Variants in MMD2 observed in about 807,000 individuals in gnomAD.
MMD2 encodes monocyte to macrophage differentiation factor 2.
In MMD2, 30 loss-of-function variants were observed where a neutral mutation model predicts 33.5. That is an observed-to-expected ratio of 0.90 (90% CI 0.67 to 1.22). The LOEUF (loss-of-function observed/expected upper bound fraction) is 1.22. Among genes scored for constraint, MMD2 ranks in the 50% most tolerant of loss-of-function variants. MMD2 has a pLI of 0.00. For synonymous variants in MMD2, 129 were observed against 123.0 expected, an observed-to-expected ratio of 1.05 and a Z score of -0.32; for missense variants, 364 against 325.4, an observed-to-expected ratio of 1.12 and a Z score of -0.91.
At chr7:4,923,717 A>G (rs4724190) in intron 2 of MMD2, among the ~76,000 whole-genome samples, 101,597 of 152,024 alleles carry the variant, frequency 0.67, 35,118 homozygotes, top group African/African-American at 0.86. Context: ...AAAAGAGGGA[A>G]TCATGTGTTC....
chr7:4,959,044 C>T lies in MMD2; in HGVS notation c.-27G>A. On this transcript the variant is annotated 5_prime_UTR_variant, in exon 1 of 7. Coordinates refer to ENST00000401401, the MANE Select transcript of MMD2 (RefSeq NM_198403.4). ...GCGGCGCTTCCATGGGAATCTGGCCCCGGGCTCAGAGCGCGGGTAGCTGGC... is the reference window on the plus strand; with the variant it reads ...GCGGCGCTTCCATGGGAATCTGGCCTCGGGCTCAGAGCGCGGGTAGCTGGC... 8.0e-7 allele frequency: 1 copy of T among 1,254,286 alleles called. No individual in the cohort carries two copies. The highest frequency in any genetic ancestry group is 1.0e-6 in the Non-Finnish European group (1 of 991,204). 77.7% of individuals were successfully genotyped at this position (1,254,286 alleles called of 1,614,324 possible).
At chr7:4,931,270 C>A (rs899834643) in intron 1 of MMD2, among the ~76,000 whole-genome samples, 1 of 151,582 alleles carries the variant, frequency 6.6e-6, no homozygotes, top group African/African-American at 2.4e-5. Context: ...CTCAGCCTCC[C>A]GAGTAGCTGG....
chr7:4,938,744 A>T (rs75975129), intron 1 of MMD2, among the ~76,000 whole-genome samples: 1 of 152,226 alleles, frequency 6.6e-6, no homozygotes, highest in Non-Finnish European at 1.5e-5. Flanking sequence ...GGAGACAGGC[A>T]TGAGAAATGT....
intron 4 of MMD2, 37 bp from the exon 5 acceptor site, chr7:4,911,283 G>T: frequency 6.6e-7 from 1 of 1,520,716 alleles, no homozygotes; most frequent in Non-Finnish European, 8.9e-7. Context: ...GCCCTGAGGG[G>T]GGCCCACCAG....
rs1399157011 is a variant in MMD2 at position 4,946,028 on chromosome 7, C to G, written c.47+12943G>C. Among the ~76,000 whole-genome samples the G allele has an allele frequency of 6.6e-6, 1 of 152,208 alleles. No homozygotes were observed. The highest frequency in any genetic ancestry group is 1.5e-5 in the Non-Finnish European group (1 of 68,038). Reference sequence around the variant, plus strand: ...CGCAGCTGCCTGCTCAGAGAAGATTCCTCTGGAGACGTACACCTCTCTGGG... The same window carrying G: ...CGCAGCTGCCTGCTCAGAGAAGATTGCTCTGGAGACGTACACCTCTCTGGG... On this transcript the variant is annotated intron_variant, in intron 1 of 6. Coordinates refer to ENST00000401401, the MANE Select transcript of MMD2 (RefSeq NM_198403.4). This position sits in a 1 kb window ranked among gnomAD's most constrained non-coding sequence, Gnocchi z 5.0.
chr7:4,912,634 G>C (rs147068402), intron 4 of MMD2, among the ~76,000 whole-genome samples: 29 of 152,012 alleles, frequency 1.9e-4, no homozygotes, highest in African/African-American at 7.0e-4. Flanking sequence ...GTTTTGTCTG[G>C]AAAGGTGTAG....
chr7:4,927,552 T>C (rs1674151065), intron 1 of MMD2, among the ~76,000 whole-genome samples: 1 of 150,882 alleles, frequency 6.6e-6, no homozygotes, highest in Non-Finnish European at 1.5e-5. Flanking sequence ...AAAATATATA[T>C]ATATATTAGC....
chr7:4,910,063 A>G (rs770191217), intron 5 of MMD2, 113 bp from the exon 6 acceptor site: 39 of 1,609,048 alleles, frequency 2.4e-5, no homozygotes, highest in Non-Finnish European at 3.1e-5. Context: ...CAGTGAGAAG[A>G]AAGGACGCTT....
Position 4,907,250 on chromosome 7 carries a change from C to T in MMD2, c.*146G>A. On this transcript the variant is annotated 3_prime_UTR_variant, in exon 7 of 7. Coordinates refer to ENST00000401401, the MANE Select transcript of MMD2 (RefSeq NM_198403.4). ...TCTCGCTGGGGACTCGAGGGATGAT[C>T]TGGCTGTCACCAGAAGTCACCTTGG... is the stretch of plus-strand genomic sequence containing the variant. 1 of 720,694 alleles carries T rather than the reference C, an allele frequency of 1.4e-6. No individual in the cohort carries two copies. The highest frequency in any genetic ancestry group is 2.4e-6 in the Non-Finnish European group (1 of 422,374). The allele number at this position is 720,694 out of a possible 1,614,324, so 44.6% of individuals were successfully genotyped here.
the MMD2 span, among the ~76,000 whole-genome samples, chr7:4,897,349 T>C: frequency 1.3e-5 from 2 of 151,786 alleles, no homozygotes; most frequent in East Asian, 1.9e-4. Flanking sequence ...CTTCTTAATA[T>C]AAATGTTTAT....
chr7:4,892,958 C>G, the MMD2 span, among the ~76,000 whole-genome samples: 1 of 152,170 alleles, frequency 6.6e-6, no homozygotes, highest in Non-Finnish European at 1.5e-5. Flanking sequence ...TCATGATCCT[C>G]ACGCCTCTAC....
intron 1 of MMD2, among the ~76,000 whole-genome samples, chr7:4,937,563 C>T (rs183073495): frequency 1.1e-3 from 167 of 152,244 alleles, no homozygotes; most frequent in African/African-American, 3.5e-3. Context: ...CGCTGAAACG[C>T]ACTGGCACAA....
At chr7:4,942,055 G>C (rs535660218) in intron 1 of MMD2, among the ~76,000 whole-genome samples, 112 of 152,160 alleles carry the variant, frequency 7.4e-4, no homozygotes, top group Non-Finnish European at 1.3e-3. Flanking sequence ...CTGGGTTCAA[G>C]TGATCCTCCT....
intron 1 of MMD2, among the ~76,000 whole-genome samples, chr7:4,953,876 T>C (rs1786317465): frequency 6.6e-6 from 1 of 152,126 alleles, no homozygotes; most frequent in Non-Finnish European, 1.5e-5. Context: ...ATCGTATTTT[T>C]TGGAGATGGA....
intron 1 of MMD2, among the ~76,000 whole-genome samples, chr7:4,936,605 C>T (rs558887117): frequency 6.6e-6 from 1 of 152,030 alleles, no homozygotes; most frequent in Non-Finnish European, 1.5e-5. Context: ...GTTGCTCAGG[C>T]TGGTTTTGAA....
intron 3 of MMD2, among the ~76,000 whole-genome samples, chr7:4,916,783 A>C (rs1785154875): frequency 6.6e-6 from 1 of 152,158 alleles, no homozygotes; most frequent in Non-Finnish European, 1.5e-5. Context: ...GACAAAGTGC[A>C]AAAATGGCCA....
chr7:4,908,006 C>T (rs1784906803), intron 6 of MMD2, among the ~76,000 whole-genome samples: 1 of 152,014 alleles, frequency 6.6e-6, no homozygotes, highest in South Asian at 2.1e-4. Flanking sequence ...GGGGGCATCT[C>T]ACTATATTGC....
At chr7:4,949,768 C>G (rs1786189903) in intron 1 of MMD2, among the ~76,000 whole-genome samples, 2 of 152,254 alleles carry the variant, frequency 1.3e-5, no homozygotes, top group South Asian at 4.1e-4. Context: ...TCCCAAAGTG[C>G]TGGGATTACA....
At chr7:4,912,964 A>G (rs989593973) in intron 4 of MMD2, among the ~76,000 whole-genome samples, 40 of 152,194 alleles carry the variant, frequency 2.6e-4, no homozygotes, top group Non-Finnish European at 5.6e-4. Context: ...TCGGCCTGCC[A>G]AAGTGCTGGG....
Sources: gnomAD v4.1 joint callset for allele counts (sites outside exome capture counted in the v4.1 genomes callset) on GRCh38, gnomAD v4.1.1 for gene constraint, Gnocchi (gnomAD v3.1) non-coding constraint, MANE v1.5 for transcripts, NCBI Gene and HGNC (gene_info 2026-07-23, HGNC 2026-07-21) for gene names.